The following CDH13 variants were observed in gnomAD, a reference collection of about 807,000 sequenced individuals.
The protein encoded by CDH13 is cadherin 13, also known as cadherin-13.
CDH13 carries 24 observed loss-of-function variants against 63.8 expected under a neutral mutation model. The ratio of observed to expected loss-of-function variants is 0.38; its 90% confidence interval spans 0.27 to 0.53. The LOEUF is 0.53. Ranked by LOEUF, CDH13 falls within the 20% of genes least tolerant of loss-of-function variation. The pLI is 0.85. For missense variants in CDH13, 1,049 were observed against 903.1 expected, an observed-to-expected ratio of 1.16 and a Z score of -2.07; for synonymous variants, 503 against 355.3, an observed-to-expected ratio of 1.42 and a Z score of -4.67.
chr16:83,512,600 G>T (rs2074598187), intron 7 of CDH13, among the ~76,000 whole-genome samples: 1 of 150,818 alleles, frequency 6.6e-6, no homozygotes. Flanking sequence ...CCCAGGAGGT[G>T]GAGGTTGCAG....
At chr16:82,920,996 G>T (rs1185498962) in intron 2 of CDH13, among the ~76,000 whole-genome samples, 1 of 152,034 alleles carries the variant, frequency 6.6e-6, no homozygotes, top group Non-Finnish European at 1.5e-5. Context: ...GATGATTGTT[G>T]TTTTTGTCCT....
chr16:83,450,684 CAT>C (rs757404090), intron 6 of CDH13, among the ~76,000 whole-genome samples: 10 of 152,256 alleles, frequency 6.6e-5, no homozygotes, highest in Non-Finnish European at 8.8e-5. Flanking sequence ...TCCTGGCTAA[CAT>C]AGTGAAACCC....
rs563687583 is a variant in CDH13 at position 83,067,466 on chromosome 16, G to T, written c.366+35248G>T. Among the ~76,000 whole-genome samples the T allele has an allele frequency of 1.1e-3, 170 of 152,270 alleles. 1 individual carries two copies. The highest frequency in any genetic ancestry group is 3.9e-3 in the African/African-American group (164 of 41,558). On this transcript the variant is annotated intron_variant, in intron 3 of 13. Coordinates refer to ENST00000567109, the MANE Select transcript of CDH13 (RefSeq NM_001257.5). ...AAACAAGTAAAAGAACCCATATAGTGTTTGAGACATGATTGTGCTCAAGAA... is the reference window on the plus strand; with the variant it reads ...AAACAAGTAAAAGAACCCATATAGTTTTTGAGACATGATTGTGCTCAAGAA...
chr16:83,471,237 A>G (rs929696816), intron 6 of CDH13, among the ~76,000 whole-genome samples: 4 of 149,914 alleles, frequency 2.7e-5, no homozygotes, highest in Admixed American at 6.6e-5. Context: ...GGGGATTAGG[A>G]TATAGGAATG....
chr16:82,781,651 T>A (rs1283677147), intron 1 of CDH13, among the ~76,000 whole-genome samples: 1 of 152,174 alleles, frequency 6.6e-6, no homozygotes, highest in African/African-American at 2.4e-5. Context: ...TACCTATCAG[T>A]CCATCTATCT....
chr16:83,457,947 G>A (rs34280714), intron 6 of CDH13, among the ~76,000 whole-genome samples: 7,450 of 152,298 alleles, frequency 0.049, 214 homozygotes, highest in African/African-American at 0.085. Flanking sequence ...TCGGACATAC[G>A]CAGTGATGCT....
At chr16:82,698,344 C>T (rs1450189995) in intron 1 of CDH13, among the ~76,000 whole-genome samples, 2 of 152,210 alleles carry the variant, frequency 1.3e-5, no homozygotes, top group African/African-American at 4.8e-5. Context: ...AACTCTATCT[C>T]CTGGGTACTC....
intron 2 of CDH13, among the ~76,000 whole-genome samples, chr16:83,013,220 C>A (rs930677127): frequency 6.6e-6 from 1 of 152,218 alleles, no homozygotes; most frequent in Non-Finnish European, 1.5e-5. Context: ...CAGCCATATA[C>A]ATGTAGGTGA....
intron 1 of CDH13, among the ~76,000 whole-genome samples, chr16:82,702,594 G>C (rs1234618348): frequency 6.6e-6 from 1 of 151,592 alleles, no homozygotes; most frequent in Admixed American, 6.6e-5. Context: ...AAATTTCTAA[G>C]AATCAATAAA....
At chr16:83,121,715 A>G (rs920631682) in intron 3 of CDH13, among the ~76,000 whole-genome samples, 2 of 152,140 alleles carry the variant, frequency 1.3e-5, no homozygotes, top group African/African-American at 4.8e-5. Context: ...CTTCCTTCAT[A>G]CAGTTTTATT....
At chr16:83,255,333 C>G (rs553185471) in intron 5 of CDH13, among the ~76,000 whole-genome samples, 1 of 152,186 alleles carries the variant, frequency 6.6e-6, no homozygotes, top group African/African-American at 2.4e-5. Flanking sequence ...GTTTGAACTA[C>G]GGCTGGTTGC....
chr16:83,229,125 C>A (rs1374535695), intron 5 of CDH13, among the ~76,000 whole-genome samples: 1 of 152,156 alleles, frequency 6.6e-6, no homozygotes, highest in Non-Finnish European at 1.5e-5. Context: ...TCTAAGGAAG[C>A]CTCAGCCTCA....
chr16:83,235,559 C>T (rs1289061456), intron 5 of CDH13, among the ~76,000 whole-genome samples: 3 of 142,234 alleles, frequency 2.1e-5, no homozygotes, highest in African/African-American at 2.6e-5. Context: ...TGCCAATGCT[C>T]ATTTTTTATT....
Position 83,667,920 on chromosome 16 carries a change from C to T in CDH13, c.1102-2870C>T, listed in dbSNP as rs144903090. Among the ~76,000 whole-genome samples the T allele has an allele frequency of 9.3e-4, 142 of 152,264 alleles. 1 individual carries two copies. In the Middle Eastern group the frequency reaches 0.031, roughly 33 times the overall value. On this transcript the variant is annotated intron_variant, in intron 8 of 13. Transcript: ENST00000567109. Reference sequence around the variant, plus strand: ...TCAAGTGATCCTCCCACCTCAGCCTCCCAAAGAGCTAGGATTACAGTGTTA... The same window carrying T: ...TCAAGTGATCCTCCCACCTCAGCCTTCCAAAGAGCTAGGATTACAGTGTTA...
chr16:82,910,885 G>A (rs910087624), intron 2 of CDH13, among the ~76,000 whole-genome samples: 1 of 152,200 alleles, frequency 6.6e-6, no homozygotes, highest in African/African-American at 2.4e-5. Flanking sequence ...AGGCTTGCCA[G>A]TGGATGAGTT....
chr16:83,251,881 A>G (rs1391780774), intron 5 of CDH13, among the ~76,000 whole-genome samples: 2 of 151,902 alleles, frequency 1.3e-5, no homozygotes, highest in Non-Finnish European at 2.9e-5. Context: ...TCACACAAAG[A>G]GGCCTTCCCC....
intron 10 of CDH13, among the ~76,000 whole-genome samples, chr16:83,724,613 G>A (rs1052124415): frequency 6.6e-6 from 1 of 152,174 alleles, no homozygotes; most frequent in African/African-American, 2.4e-5. Flanking sequence ...ATTGGAGGAA[G>A]CGTCTTACTT....
intron 1 of CDH13, chr16:82,823,887 A>T (rs188107688): frequency 1.3e-5 from 2 of 152,306 alleles, no homozygotes; most frequent in Admixed American, 1.3e-4. Context: ...AAATTCATGT[A>T]TTCTCTTTCT....
chr16:83,368,899 T>C (rs1202753388), intron 6 of CDH13, among the ~76,000 whole-genome samples: 2 of 53,338 alleles, frequency 3.7e-5, no homozygotes, highest in East Asian at 4.0e-4. Flanking sequence ...TATATATATA[T>C]ATATATATAT....
Sources: allele counts gnomAD v4.1 joint callset (sites outside exome capture counted in the v4.1 genomes callset), GRCh38; gene constraint gnomAD v4.1.1; transcripts MANE v1.5; gene names NCBI Gene and HGNC (gene_info 2026-07-23, HGNC 2026-07-21).